CDH13: variants seen among roughly 807,000 people sequenced by gnomAD.
The protein encoded by CDH13 is cadherin-13.
Under a neutral mutation model 63.8 loss-of-function variants are expected in CDH13, and 24 were observed. The ratio of observed to expected loss-of-function variants is 0.38; its 90% CI spans 0.27 to 0.53. CDH13 has a LOEUF of 0.53. Ranked by LOEUF, CDH13 falls within the 20% of genes least tolerant of loss-of-function variation. CDH13 has a pLI of 0.85. For missense variants in CDH13, 1,049 were observed against 903.1 expected (o/e 1.16, Z -2.07); for synonymous variants, 503 against 355.3 (o/e 1.42, Z -4.67).
chr16:83,561,280 C>G (rs148984962), intron 7 of CDH13, among the ~76,000 whole-genome samples: 182 of 148,708 alleles, frequency 1.2e-3, no homozygotes, highest in African/African-American at 4.3e-3. Flanking sequence ...AATCCCATCT[C>G]TACTAAAAAA....
At chr16:82,914,206 C>A (rs562532119) in intron 2 of CDH13, among the ~76,000 whole-genome samples, 5 of 152,256 alleles carry the variant, frequency 3.3e-5, no homozygotes, top group African/African-American at 1.2e-4. Context: ...ACTGATACCA[C>A]CGCCATGCAG....
intron 3 of CDH13, among the ~76,000 whole-genome samples, chr16:83,035,715 T>C (rs1916786085): frequency 6.6e-6 from 1 of 152,148 alleles, no homozygotes; most frequent in Non-Finnish European, 1.5e-5. Context: ...TGGCCTGTCT[T>C]CATGGTGTTT....
chr16:82,903,839 G>A (rs1276535492), intron 2 of CDH13, among the ~76,000 whole-genome samples: 2 of 152,148 alleles, frequency 1.3e-5, no homozygotes, highest in Non-Finnish European at 2.9e-5. Context: ...GAGCACTGAG[G>A]TTGAGAGAGG....
chr16:82,982,712 G>A (rs552234678), intron 2 of CDH13, among the ~76,000 whole-genome samples: 1 of 152,264 alleles, frequency 6.6e-6, no homozygotes, highest in East Asian at 1.9e-4. Flanking sequence ...TCTCCCTGTG[G>A]CTGCACTCCA....
chr16:82,889,307 T>TCTC (rs2151218623), intron 2 of CDH13, among the ~76,000 whole-genome samples: 1 of 152,044 alleles, frequency 6.6e-6, no homozygotes, highest in African/African-American at 2.4e-5. Flanking sequence ...ATTATCTCTC[T>TCTC]CTCTCTCTCT....
intron 2 of CDH13, among the ~76,000 whole-genome samples, chr16:82,931,050 A>G (rs538568803): frequency 1.3e-5 from 2 of 152,300 alleles, no homozygotes; most frequent in South Asian, 4.2e-4. Flanking sequence ...CTAATTCCAA[A>G]CAAAGTAGGC....
intron 3 of CDH13, among the ~76,000 whole-genome samples, chr16:83,106,486 G>T (rs2034771346): frequency 6.6e-6 from 1 of 152,090 alleles, no homozygotes; most frequent in Non-Finnish European, 1.5e-5. Context: ...GGTTGCGGTG[G>T]GCCGAGATCA....
At chr16:83,421,829 C>A (rs1017870172) in intron 6 of CDH13, among the ~76,000 whole-genome samples, 1 of 152,162 alleles carries the variant, frequency 6.6e-6, no homozygotes, top group African/African-American at 2.4e-5. Context: ...CATTGAAATG[C>A]TTTTTCCATA....
intron 6 of CDH13, among the ~76,000 whole-genome samples, chr16:83,471,837 C>T (rs554512238): frequency 1.2e-4 from 18 of 152,282 alleles, no homozygotes; most frequent in East Asian, 1.9e-4. Context: ...TGAGTCTCAT[C>T]GAGCACATGG....
chr16:83,376,898 C>T (rs58073090), intron 6 of CDH13, among the ~76,000 whole-genome samples: 1 of 151,926 alleles, frequency 6.6e-6, no homozygotes, highest in Non-Finnish European at 1.5e-5. Context: ...AACGTTCACT[C>T]TGATAGAAGC....
At chr16:83,000,273 GT>G (rs1912752943) in intron 2 of CDH13, among the ~76,000 whole-genome samples, 1 of 34,962 alleles carries the variant, frequency 2.9e-5, no homozygotes, top group Admixed American at 3.5e-4. Flanking sequence ...TTGAGACAGA[GT>G]TTTTCCTCTT....
At chr16:83,416,606 C>G (rs574545568) in intron 6 of CDH13, among the ~76,000 whole-genome samples, 19 of 152,186 alleles carry the variant, frequency 1.2e-4, no homozygotes, top group Non-Finnish European at 2.6e-4. Flanking sequence ...CCCAGAAGTA[C>G]CACTTCAATC....
chr16:83,759,000 A>C (rs1313764228), intron 11 of CDH13, among the ~76,000 whole-genome samples: 2 of 152,232 alleles, frequency 1.3e-5, no homozygotes, highest in African/African-American at 2.4e-5. Flanking sequence ...TACCATGCAA[A>C]GTCCCAATCC....
intron 6 of CDH13, among the ~76,000 whole-genome samples, chr16:83,416,461 C>A (rs893335452): frequency 5.9e-5 from 9 of 152,198 alleles, no homozygotes; most frequent in Admixed American, 4.6e-4. Flanking sequence ...ATCTGTTTCT[C>A]TTTCTGGGTC....
intron 2 of CDH13, among the ~76,000 whole-genome samples, chr16:83,030,597 C>T (rs576405029): frequency 1.3e-4 from 19 of 144,422 alleles, no homozygotes; most frequent in African/African-American, 3.7e-4. Context: ...CAGCCAAGAT[C>T]GCGCCACTGC....
At chr16:83,521,490 A>T (rs554631298) in intron 7 of CDH13, among the ~76,000 whole-genome samples, 1 of 152,248 alleles carries the variant, frequency 6.6e-6, no homozygotes. Flanking sequence ...CGGTGTCAAC[A>T]ACAGCAATAA....
chr16:83,359,738 A>G (rs912228174), intron 6 of CDH13, among the ~76,000 whole-genome samples: 4 of 152,232 alleles, frequency 2.6e-5, no homozygotes, highest in Admixed American at 2.6e-4. Context: ...TTGCAATTTC[A>G]GAGTGGTTGT....
chr16:82,821,934 A>T (rs2038022913), intron 1 of CDH13, among the ~76,000 whole-genome samples: 1 of 152,142 alleles, frequency 6.6e-6, no homozygotes, highest in Non-Finnish European at 1.5e-5. Context: ...GTGATATAAG[A>T]ATGTGTGGCA....
At chr16:82,645,345 G>T in intron 1 of CDH13, among the ~76,000 whole-genome samples, 1 of 152,290 alleles carries the variant, frequency 6.6e-6, no homozygotes. Context: ...GTGAATATTT[G>T]CTGATCCTTC....
Sources: gnomAD v4.1 joint callset for allele counts (sites outside exome capture counted in the v4.1 genomes callset) on GRCh38, gnomAD v4.1.1 for gene constraint, MANE v1.5 for transcripts, NCBI Gene and HGNC (gene_info 2026-07-23, HGNC 2026-07-21) for gene names.